The following EPB41L4A variants were observed in gnomAD, a reference collection of about 807,000 sequenced individuals.
The protein encoded by EPB41L4A is erythrocyte membrane protein band 4.1 like 4A, also known as band 4.1-like protein 4A.
Under a neutral mutation model 108.6 loss-of-function variants are expected in EPB41L4A, and 100 were observed. That is an observed-to-expected ratio of 0.92 (90% confidence interval 0.78 to 1.09). The LOEUF is 1.09. EPB41L4A is among the 50% of genes least tolerant of loss of function. The probability of loss-of-function intolerance (pLI) is 0.00; values close to 1 mark genes in which losing one functional copy is unlikely to be tolerated. For synonymous variants in EPB41L4A, 319 were observed against 289.0 expected (o/e 1.10, Z -1.05); for missense variants, 1,030 against 842.7 (o/e 1.22, Z -2.75).
chr5:112,293,701 G>A lies in EPB41L4A; in HGVS notation c.205-13378C>T, dbSNP rs556376529. 3.9e-4 allele frequency among the ~76,000 whole-genome samples: 59 copies of A among 152,306 alleles called. 1 individual carries two copies. The highest frequency in any genetic ancestry group is 1.3e-3 in the African/African-American group (54 of 41,556). On this transcript the variant is annotated intron_variant, in intron 2 of 22. Transcript: ENST00000261486. ...GCTCTGCTTTTCCCGATGCCGCAGT[G>A]AGGAAAGCATGCAGTGCAAGAAGCG...
intron 1 of EPB41L4A, among the ~76,000 whole-genome samples, chr5:112,372,125 AC>A (rs1759533270): frequency 6.6e-6 from 1 of 152,226 alleles, no homozygotes; most frequent in African/African-American, 2.4e-5. Context: ...ATGAAGAAAT[AC>A]CCATGACTGG....
intron 2 of EPB41L4A, among the ~76,000 whole-genome samples, chr5:112,281,180 C>T (rs1178552315): frequency 6.6e-6 from 1 of 152,206 alleles, no homozygotes; most frequent in Non-Finnish European, 1.5e-5. Context: ...TCAGGCTACA[C>T]ATGCTAAGAA....
At chr5:112,283,311 G>A (rs1200261841) in intron 2 of EPB41L4A, among the ~76,000 whole-genome samples, 1 of 152,118 alleles carries the variant, frequency 6.6e-6, no homozygotes, top group African/African-American at 2.4e-5. Context: ...AATGATAAAT[G>A]CCCAAGAACA....
chr5:112,197,015 A>G (rs1386579252), intron 15 of EPB41L4A: 1 of 152,184 alleles, frequency 6.6e-6, no homozygotes, highest in Non-Finnish European at 1.5e-5. Context: ...TCTGTTATTT[A>G]TGGATTTATC....
At chr5:112,191,557 G>C (rs1761698897) in intron 17 of EPB41L4A, among the ~76,000 whole-genome samples, 1 of 151,984 alleles carries the variant, frequency 6.6e-6, no homozygotes, top group Admixed American at 6.6e-5. Context: ...ATGTTTAAAT[G>C]GTTATCCATG....
At chr5:112,369,351 T>C (rs1375321860) in intron 1 of EPB41L4A, among the ~76,000 whole-genome samples, 1 of 152,190 alleles carries the variant, frequency 6.6e-6, no homozygotes, top group Non-Finnish European at 1.5e-5. Flanking sequence ...AGCCCACTCA[T>C]TTCACTTCCC....
intron 18 of EPB41L4A, among the ~76,000 whole-genome samples, chr5:112,181,278 C>T (rs1353742311): frequency 2.0e-5 from 3 of 151,388 alleles, no homozygotes; most frequent in South Asian, 2.1e-4. Context: ...GGTGAAACCC[C>T]GTCTCTACTA....
chr5:112,379,894 A>G (rs906896627), intron 1 of EPB41L4A, among the ~76,000 whole-genome samples: 67 of 152,332 alleles, frequency 4.4e-4, no homozygotes, highest in African/African-American at 1.5e-3. Flanking sequence ...GAAAGACACT[A>G]TGAGCCACCT....
rs1471471378 is a variant in EPB41L4A, at chr5:112,259,889, A to C, written c.731+2T>G. On this transcript the variant is annotated splice_donor_variant, in intron 8 of 22. Coordinates refer to ENST00000261486, the MANE Select transcript of EPB41L4A (RefSeq NM_022140.5). LOFTEE classifies it high-confidence loss of function. The stretch of plus-strand genomic sequence containing the variant: ...CCAACTCTGTTCTCAAGCCATACCT[A>C]CCAGAAATACTTCCCCACTTGCTTT... 1 of 1,611,906 alleles carries C rather than the reference A, an allele frequency of 6.2e-7. No homozygotes were observed. Among genetic ancestry groups the C allele is most frequent in the South Asian group, 1.1e-5 (1 of 91,040 alleles).
At position 112,170,288 on chromosome 5, in the gene EPB41L4A, G is replaced by A. The variant is rs746363076; in HGVS notation, c.1739+13C>T. 6.2e-6 allele frequency: 10 copies of A among 1,611,374 alleles called. No individual in the cohort carries two copies. In the African/African-American group the frequency reaches 1.3e-4, roughly 22 times the overall value. ...AATAAAGCTTTGGTGAGAAGATTCT[G>A]AAAGGCACTCACTCTATTTTAGTGT... On this transcript the variant is annotated intron_variant, in intron 20 of 22. Coordinates refer to ENST00000261486, the MANE Select transcript of EPB41L4A (RefSeq NM_022140.5).
intron 1 of EPB41L4A, among the ~76,000 whole-genome samples, chr5:112,346,353 A>G (rs574208061): frequency 1.4e-4 from 21 of 148,956 alleles, no homozygotes; most frequent in African/African-American, 5.2e-4. Flanking sequence ...AGCCTCCTGT[A>G]GCTGCGATTA....
chr5:112,336,252 G>C (rs1211793509), intron 1 of EPB41L4A, among the ~76,000 whole-genome samples: 1 of 152,276 alleles, frequency 6.6e-6, no homozygotes, highest in East Asian at 1.9e-4. Context: ...GGATGGGGAG[G>C]GGGCAGTGGA....
chr5:112,239,792 G>T, intron 10 of EPB41L4A, 55 bp from the exon 11 acceptor site: 1 of 1,205,262 alleles, frequency 8.3e-7, no homozygotes, highest in South Asian at 1.3e-5. Context: ...AGGCATTCTG[G>T]GCCACCCCCT....
intron 15 of EPB41L4A, among the ~76,000 whole-genome samples, chr5:112,198,529 C>T (rs1440152568): frequency 6.6e-6 from 1 of 152,202 alleles, no homozygotes; most frequent in Non-Finnish European, 1.5e-5. Flanking sequence ...TATAATGTCA[C>T]ATCCTTCAGT....
intron 17 of EPB41L4A, among the ~76,000 whole-genome samples, chr5:112,185,584 A>G (rs1761387906): frequency 6.6e-6 from 1 of 152,216 alleles, no homozygotes; most frequent in African/African-American, 2.4e-5. Flanking sequence ...GTATTTCCTC[A>G]CTAAAGTTTT....
rs566847221 is a variant in EPB41L4A, at chr5:112,214,559, C to T, written c.1088-4577G>A. Among the ~76,000 whole-genome samples, 12 of 152,158 alleles carry T rather than the reference C, an allele frequency of 7.9e-5. No individual in the cohort carries two copies. The South Asian group carries it at 2.1e-3, about 26-fold the overall frequency. On this transcript the variant is annotated intron_variant, in intron 12 of 22. Coordinates refer to ENST00000261486, the MANE Select transcript of EPB41L4A (RefSeq NM_022140.5). ...CGGGCGGATCATGAGGTCAGGAGAT[C>T]GAGACCATCCTGGCTAAAGCAGTGA...
At chr5:112,379,488 T>C (rs944849045) in intron 1 of EPB41L4A, among the ~76,000 whole-genome samples, 1 of 152,006 alleles carries the variant, frequency 6.6e-6, no homozygotes, top group Non-Finnish European at 1.5e-5. Context: ...ATTGAAGAAA[T>C]GACAGGGAAG....
intron 1 of EPB41L4A, among the ~76,000 whole-genome samples, chr5:112,315,468 C>T (rs1755371298): frequency 6.6e-6 from 1 of 152,158 alleles, no homozygotes; most frequent in South Asian, 2.1e-4. Flanking sequence ...TTGAACCTTT[C>T]TTCCTGTTTC....
At chr5:112,415,029 T>C (rs1037740441) in intron 1 of EPB41L4A, among the ~76,000 whole-genome samples, 1 of 152,246 alleles carries the variant, frequency 6.6e-6, no homozygotes, top group Non-Finnish European at 1.5e-5. Context: ...TATTCACATA[T>C]AAACTTAATA....
Sources: gnomAD v4.1 joint callset for allele counts (sites outside exome capture counted in the v4.1 genomes callset) on GRCh38, gnomAD v4.1.1 for gene constraint, MANE v1.5 for transcripts, NCBI Gene and HGNC (gene_info 2026-07-23, HGNC 2026-07-21) for gene names.